SEC14L1: variants seen among roughly 807,000 people sequenced by gnomAD.
SEC14L1 encodes SEC14-like protein 1.
A neutral mutation model predicts 85.3 loss-of-function variants in SEC14L1; 48 were observed. That is an observed-to-expected ratio of 0.56 (90% CI 0.45 to 0.72). The LOEUF (loss-of-function observed/expected upper bound fraction) is 0.72. SEC14L1 is among the 30% of genes least tolerant of loss of function. The probability of loss-of-function intolerance (pLI) is 0.00; values close to 1 mark genes in which losing one functional copy is unlikely to be tolerated. For missense variants in SEC14L1, 682 were observed against 921.4 expected, an observed-to-expected ratio of 0.74 and a Z score of 3.36; for synonymous variants, 391 against 355.5, an observed-to-expected ratio of 1.10 and a Z score of -1.12.
chr17:77,128,331 G>T (rs1047359173), intron 3 of SEC14L1, among the ~76,000 whole-genome samples: 2 of 152,058 alleles, frequency 1.3e-5, no homozygotes, highest in Non-Finnish European at 2.9e-5. Flanking sequence ...GGGTGGGCGG[G>T]GGTGCAGAGC....
intron 3 of SEC14L1, chr17:77,099,170 C>CAGT: frequency 6.6e-6 from 1 of 152,268 alleles, no homozygotes; most frequent in African/African-American, 2.4e-5. Context: ...GTTAGAACTA[C>CAGT]AGCCCGAGCA....
At position 77,133,395 on chromosome 17, in the gene SEC14L1, A is replaced by G. The variant is rs557405789; in HGVS notation, c.-135-9251A>G. ...TCTGCCCACCTGTCGGTGCCTATGC[A>G]GGTGTGACCAGGCTGCTGACACTGC... is the stretch of plus-strand genomic sequence containing the variant. On this transcript the variant is annotated intron_variant, in intron 3 of 19. Transcript: ENST00000392476. Among the ~76,000 whole-genome samples the G allele has an allele frequency of 7.9e-5, 12 of 152,334 alleles. No homozygotes were observed. The East Asian group carries it at 1.9e-3, about 24-fold the overall frequency.
chr17:77,113,629 C>T (rs1444929082), intron 3 of SEC14L1, among the ~76,000 whole-genome samples: 2 of 152,010 alleles, frequency 1.3e-5, no homozygotes, highest in African/African-American at 4.8e-5. Flanking sequence ...GCCTGTAGAC[C>T]CAGCTATTCA....
Position 77,206,839 on chromosome 17 carries a change from G to C in SEC14L1, c.1453G>C (p.Asp485His), listed in dbSNP as rs1363015858. The C allele has an allele frequency of 2.5e-6, 4 of 1,607,884 alleles. No homozygotes were observed. The Admixed American group carries it at 6.9e-5, about 28-fold the overall frequency. Reference protein sequence around the residue: ...LDYIDKEIIPDFLSGECMCEV... With the variant: ...LDYIDKEIIPHFLSGECMCEV... Reference sequence around the variant, plus strand: ...TTACATCGACAAAGAGATTATTCCAGATTTCCTGAGTGGGGAGTGCATGGT... The same window carrying C: ...TTACATCGACAAAGAGATTATTCCACATTTCCTGAGTGGGGAGTGCATGGT... Residue 485 changes from aspartate to histidine, a missense_variant, in exon 13 of 17, where the codon GAT becomes CAT. Asp to His is a moderately conservative substitution (Grantham distance 81). This residue lies in a region of SEC14L1 where 420 missense variants were observed against 619.5 expected (regional missense o/e 0.68). Transcript: ENST00000436233. The surrounding 1 kb of genome is among the most constrained non-coding windows in gnomAD (Gnocchi z 4.3).
intron 3 of SEC14L1, among the ~76,000 whole-genome samples, chr17:77,164,365 A>G (rs1409145166): frequency 2.6e-5 from 4 of 152,214 alleles, no homozygotes; most frequent in African/African-American, 9.6e-5. Flanking sequence ...GGACTGCCCA[A>G]TTTGGTCAAT....
intron 3 of SEC14L1, among the ~76,000 whole-genome samples, chr17:77,113,840 ACTGT>A (rs1009747603): frequency 6.6e-6 from 1 of 152,170 alleles, no homozygotes; most frequent in African/African-American, 2.4e-5. Flanking sequence ...TGAAGAAGTC[ACTGT>A]CTGTGGCAAA....
chr17:77,119,052 G>A (rs1972239586), intron 3 of SEC14L1, among the ~76,000 whole-genome samples: 1 of 152,164 alleles, frequency 6.6e-6, no homozygotes, highest in African/African-American at 2.4e-5. Flanking sequence ...GCTCATGTCT[G>A]TAATCCCAGC....
Position 77,107,969 on chromosome 17 carries a change from C to T in SEC14L1, c.-136+14622C>T, listed in dbSNP as rs139002757. ...ATGTTGCCCAGGCTGGTCTCAAACT[C>T]CTGGGCTCCAGCGATCCTCTCACCT... On this transcript the variant is annotated intron_variant, in intron 3 of 19. Transcript: ENST00000392476. Among the ~76,000 whole-genome samples, 477 of 152,210 alleles carry T rather than the reference C, an allele frequency of 3.1e-3. 11 individuals are homozygous for T. Among genetic ancestry groups the T allele is most frequent in the Admixed American group, 0.027 (411 of 15,256 alleles).
chr17:77,215,660 T>C lies in SEC14L1; in HGVS notation c.*1637T>C, dbSNP rs543826190. On this transcript the variant is annotated 3_prime_UTR_variant, in exon 17 of 17. Coordinates refer to ENST00000436233, the MANE Select transcript of SEC14L1 (RefSeq NM_001143998.2). ...GCCTTTGGACCACATTTGTGTTTGC[T>C]CTTAGAGATCGAGCTCCTCAGTGGT... is the stretch of plus-strand genomic sequence containing the variant. 42 of 991,770 alleles carry C rather than the reference T, an allele frequency of 4.2e-5. No individual in the cohort carries two copies. The East Asian group carries it at 3.0e-3, about 71-fold the overall frequency. 61.4% of individuals were successfully genotyped at this position (991,770 alleles called of 1,614,324 possible). A position where few individuals can be genotyped will look rare whatever the true frequency, so the allele number is the denominator to read the frequency against.
intron 3 of SEC14L1, among the ~76,000 whole-genome samples, chr17:77,189,828 C>T (rs942199138): frequency 6.6e-6 from 1 of 152,114 alleles, no homozygotes; most frequent in African/African-American, 2.4e-5. Flanking sequence ...CGGGGTTTCA[C>T]CGTGTTAGCC....
intron 3 of SEC14L1, among the ~76,000 whole-genome samples, chr17:77,165,665 A>G (rs996476143): frequency 1.3e-5 from 2 of 152,184 alleles, no homozygotes; most frequent in Middle Eastern, 3.4e-3. Context: ...CTGAAGTATG[A>G]TCATTTTTTT....
At chr17:77,198,056 A>C (rs1001028249) in intron 8 of SEC14L1, among the ~76,000 whole-genome samples, 1 of 152,268 alleles carries the variant, frequency 6.6e-6, no homozygotes, top group African/African-American at 2.4e-5. Context: ...AAATGTGAGA[A>C]GTGTTAAATA....
At chr17:77,198,621 C>T (rs572412458) in intron 8 of SEC14L1, among the ~76,000 whole-genome samples, 1 of 150,856 alleles carries the variant, frequency 6.6e-6, no homozygotes, top group South Asian at 2.1e-4. Flanking sequence ...GTCGCCCAGG[C>T]TGGAGTGCAG....
intron 3 of SEC14L1, among the ~76,000 whole-genome samples, chr17:77,158,565 T>G (rs34598026): frequency 0.36 from 54,464 of 151,856 alleles, 10,002 homozygotes; most frequent in South Asian, 0.43. Context: ...TCACTTAGCC[T>G]AATGTCTTCA....
At chr17:77,133,501 C>A (rs1435038580) in intron 3 of SEC14L1, among the ~76,000 whole-genome samples, 1 of 152,302 alleles carries the variant, frequency 6.6e-6, no homozygotes, top group East Asian at 1.9e-4. Flanking sequence ...CTGAGCAACT[C>A]ACAGTGTCTT....
At position 77,168,263 on chromosome 17, in the gene SEC14L1, C is replaced by A. The variant is rs958074990; in HGVS notation, c.64-22540C>A. ...AACCCTTTGAAGAGGAATTCATCATCTCTGGCAATTTCCCCCTTTGTCTTT... is the reference window on the plus strand; with the variant it reads ...AACCCTTTGAAGAGGAATTCATCATATCTGGCAATTTCCCCCTTTGTCTTT... On this transcript the variant is annotated intron_variant, in intron 3 of 16. Coordinates refer to ENST00000436233, the MANE Select transcript of SEC14L1 (RefSeq NM_001143998.2). Among the ~76,000 whole-genome samples the A allele has an allele frequency of 3.0e-4, 45 of 152,316 alleles. 1 individual carries two copies. The highest frequency in any genetic ancestry group is 2.4e-3 in the Admixed American group (36 of 15,312).
rs1243189974 is a variant in SEC14L1, at chr17:77,190,985, G to C, written c.213+33G>C. 4.4e-6 allele frequency: 7 copies of C among 1,608,446 alleles called. No homozygotes were observed. The South Asian group carries it at 6.6e-5, about 15-fold the overall frequency. ...TCGGAAAGGACGTCTTGGAGGGAAA[G>C]GGCGTCCTGGTGGGAGAGGGCGTCC... On this transcript the variant is annotated intron_variant, in intron 4 of 16. Coordinates refer to ENST00000436233, the MANE Select transcript of SEC14L1 (RefSeq NM_001143998.2).
intron 8 of SEC14L1, among the ~76,000 whole-genome samples, chr17:77,197,837 C>T (rs1183021952): frequency 6.6e-6 from 1 of 152,190 alleles, no homozygotes; most frequent in African/African-American, 2.4e-5. Flanking sequence ...AACTCCTGAC[C>T]TCAAGTGATC....
intron 10 of SEC14L1, among the ~76,000 whole-genome samples, chr17:77,204,690 C>G (rs1976375787): frequency 6.6e-6 from 1 of 152,118 alleles, no homozygotes; most frequent in African/African-American, 2.4e-5. Context: ...GTAGCTGGGA[C>G]TACAAGCACC....
Sources: allele counts gnomAD v4.1 joint callset (sites outside exome capture counted in the v4.1 genomes callset), GRCh38; gene constraint gnomAD v4.1.1; regional missense constraint gnomAD v4.1.1; non-coding constraint Gnocchi (gnomAD v3.1); transcripts MANE v1.5; gene names NCBI Gene and HGNC (gene_info 2026-07-23, HGNC 2026-07-21).